The following ADAM22 variants were observed in gnomAD, a reference collection of about 807,000 sequenced individuals.
ADAM22 encodes the protein ADAM metallopeptidase domain 22, also known as disintegrin and metalloproteinase domain-containing protein 22.
In ADAM22, 65 loss-of-function variants were observed where a neutral mutation model predicts 144.6. That is an observed-to-expected ratio of 0.45 (90% CI 0.37 to 0.55). ADAM22 has a LOEUF of 0.55. Among genes scored for constraint, ADAM22 ranks in the 20% least tolerant of loss-of-function variants. The pLI is 0.00. For synonymous variants in ADAM22, 391 were observed against 412.6 expected (o/e 0.95, Z 0.63); for missense variants, 974 against 1,184.9 (o/e 0.82, Z 2.61).
chr7:88,193,338 C>T (rs564120140), intron 31 of ADAM22, 99 bp downstream of exon 31: 8 of 1,355,304 alleles, frequency 5.9e-6, no homozygotes, highest in Non-Finnish European at 2.0e-6. Flanking sequence ...CTCCCTTGTT[C>T]CTAAGAAAAT....
chr7:87,950,603 G>C (rs1844816815), intron 2 of ADAM22, among the ~76,000 whole-genome samples: 1 of 149,958 alleles, frequency 6.7e-6, no homozygotes, highest in Non-Finnish European at 1.5e-5. Context: ...AAACATATGT[G>C]TGCATGTGTC....
chr7:87,981,831 G>C (rs2129449479), intron 3 of ADAM22, among the ~76,000 whole-genome samples: 1 of 151,368 alleles, frequency 6.6e-6, no homozygotes, highest in South Asian at 2.1e-4. Context: ...AAAAATAAAT[G>C]ATGAGGATAA....
chr7:88,048,575 G>A (rs763568260), intron 3 of ADAM22, among the ~76,000 whole-genome samples: 6 of 151,998 alleles, frequency 3.9e-5, no homozygotes, highest in Admixed American at 6.6e-5. Context: ...TTGAACATAT[G>A]TTTTGAAATG....
chr7:87,969,240 A>G (rs1305198186), intron 2 of ADAM22, among the ~76,000 whole-genome samples: 2 of 152,186 alleles, frequency 1.3e-5, no homozygotes, highest in Non-Finnish European at 2.9e-5. Flanking sequence ...TCAGTAACAT[A>G]TAGCGTGCCT....
intron 11 of ADAM22, 193 bp downstream of exon 11, chr7:88,131,628 GTTATT>G (rs2129499052): frequency 1.2e-5 from 7 of 562,246 alleles, no homozygotes. Context: ...TTAATTTTGA[GTTATT>G]TTATTATTTA....
chr7:88,186,680 A>G lies in ADAM22; in HGVS notation c.2729A>G (p.Asn910Ser), dbSNP rs371237563. ...VAKWVEDVNKNTEGPYFRTLS... is the reference protein window; with the variant it reads ...VAKWVEDVNKSTEGPYFRTLS... ...AAGTGGGTAGAAGATGTGAATAAAA[A>G]CACTGAAGGACCATACTTTAGGTAT... is the stretch of plus-strand genomic sequence containing the variant. Residue 910 changes from asparagine (N) to serine (S), a missense_variant, in exon 30 of 32, where the codon AAC becomes AGC. Asn to Ser is a conservative substitution (Grantham distance 46). This residue lies in a region of ADAM22 where 734 missense variants were observed against 950.6 expected (regional missense o/e 0.77). Coordinates refer to ENST00000413139, the MANE Select transcript of ADAM22 (RefSeq NM_001324418.2). 10 of 1,606,930 alleles carry G rather than the reference A, an allele frequency of 6.2e-6. No individual in the cohort carries two copies. Among genetic ancestry groups the G allele is most frequent in the Non-Finnish European group, 8.5e-6 (10 of 1,173,706 alleles).
chr7:88,016,245 C>T (rs1796515464), intron 3 of ADAM22, among the ~76,000 whole-genome samples: 1 of 152,066 alleles, frequency 6.6e-6, no homozygotes, highest in Non-Finnish European at 1.5e-5. Flanking sequence ...AGGAATGTAA[C>T]ATTTTCTAAT....
chr7:88,098,044 G>A (rs1240923074), intron 4 of ADAM22, among the ~76,000 whole-genome samples: 1 of 152,090 alleles, frequency 6.6e-6, no homozygotes, highest in Non-Finnish European at 1.5e-5. Flanking sequence ...CATTTTGTGG[G>A]AACCTAAAAT....
chr7:88,158,759 G>A (rs1055379575), intron 22 of ADAM22, among the ~76,000 whole-genome samples: 2 of 152,114 alleles, frequency 1.3e-5, no homozygotes, highest in Non-Finnish European at 2.9e-5. Context: ...AGCTAAGGCA[G>A]TGTTAAGAGG....
chr7:88,161,836 G>A (rs1841729488), intron 22 of ADAM22, among the ~76,000 whole-genome samples: 1 of 151,862 alleles, frequency 6.6e-6, no homozygotes, highest in Admixed American at 6.6e-5. Flanking sequence ...CAGACAAAGG[G>A]GAACATTTAC....
chr7:88,005,777 G>A (rs2129458094), intron 3 of ADAM22, among the ~76,000 whole-genome samples: 1 of 152,136 alleles, frequency 6.6e-6, no homozygotes, highest in Admixed American at 6.5e-5. Context: ...TTAATTTTAA[G>A]GGATACTTTT....
chr7:87,935,716 C>T (rs577926474), intron 2 of ADAM22, among the ~76,000 whole-genome samples: 10 of 152,318 alleles, frequency 6.6e-5, no homozygotes, highest in African/African-American at 2.2e-4. Context: ...TGCCCATTCA[C>T]CCCTACCTTC....
intron 3 of ADAM22, among the ~76,000 whole-genome samples, chr7:88,018,491 GA>G (rs1350722636): frequency 1.3e-5 from 2 of 152,120 alleles, no homozygotes; most frequent in East Asian, 3.9e-4. Context: ...AGTAGAGCAG[GA>G]AAACATAGTA....
At chr7:88,013,008 C>A (rs117191997) in intron 3 of ADAM22, among the ~76,000 whole-genome samples, 2,010 of 152,280 alleles carry the variant, frequency 0.013, 26 homozygotes, top group Non-Finnish European at 0.02. Flanking sequence ...GAAATCTTCA[C>A]CATGAGAACA....
chr7:88,176,937 G>A (rs140473250), intron 26 of ADAM22, among the ~76,000 whole-genome samples: 43 of 151,994 alleles, frequency 2.8e-4, no homozygotes, highest in African/African-American at 9.2e-4. Flanking sequence ...GCTAATTTTT[G>A]TATTTATTGT....
chr7:87,943,306 G>A (rs986691059), intron 2 of ADAM22, among the ~76,000 whole-genome samples: 1 of 151,694 alleles, frequency 6.6e-6, no homozygotes, highest in African/African-American at 2.4e-5. Flanking sequence ...CCTGCCTAAG[G>A]TTATACAGGT....
chr7:88,155,832 T>C, intron 21 of ADAM22, 55 bp from the exon 22 acceptor site: 2 of 1,592,006 alleles, frequency 1.3e-6, no homozygotes, highest in Admixed American at 3.5e-5. Flanking sequence ...ATTCTAACTG[T>C]ACATGGTTTG....
intron 22 of ADAM22, among the ~76,000 whole-genome samples, chr7:88,159,124 A>C (rs562577001): frequency 7.9e-5 from 12 of 152,234 alleles, no homozygotes; most frequent in African/African-American, 2.2e-4. Context: ...TACTACGAAC[A>C]CCTGTGGCAC....
At chr7:88,078,007 G>A (rs1815165488) in intron 4 of ADAM22, among the ~76,000 whole-genome samples, 1 of 152,206 alleles carries the variant, frequency 6.6e-6, no homozygotes, top group African/African-American at 2.4e-5. Flanking sequence ...GGTTCTCCTA[G>A]CACGCAGCTT....
Sources: gnomAD v4.1 joint callset for allele counts (sites outside exome capture counted in the v4.1 genomes callset) on GRCh38, gnomAD v4.1.1 for gene constraint, gnomAD v4.1.1 regional missense constraint, MANE v1.5 for transcripts, NCBI Gene and HGNC (gene_info 2026-07-23, HGNC 2026-07-21) for gene names.